MFSD11: variants seen among roughly 807,000 people sequenced by gnomAD.
MFSD11 encodes major facilitator superfamily domain containing 11, also known as UNC93-like protein MFSD11.
MFSD11 carries 36 observed loss-of-function variants against 53.5 expected under a neutral mutation model. The ratio of observed to expected loss-of-function variants is 0.67; its 90% CI spans 0.52 to 0.89. The LOEUF is 0.89. MFSD11 is among the 40% of genes least tolerant of loss of function. MFSD11 has a pLI of 0.00. For synonymous variants in MFSD11, 186 were observed against 184.9 expected (o/e 1.01, Z -0.05); for missense variants, 530 against 543.9 (o/e 0.97, Z 0.25).
the MFSD11 span, among the ~76,000 whole-genome samples, chr17:76,795,884 C>G: frequency 7.4e-5 from 11 of 148,268 alleles, no homozygotes; most frequent in African/African-American, 2.5e-4. Context: ...CCAGGATGGT[C>G]TCGATCTCCT....
At chr17:76,775,901 G>T (rs1339352476) in intron 11 of MFSD11, among the ~76,000 whole-genome samples, 1 of 152,164 alleles carries the variant, frequency 6.6e-6, no homozygotes, top group African/African-American at 2.4e-5. Flanking sequence ...ACCAGAGTTT[G>T]TTAGAATGTA....
chr17:76,776,544 A>T lies in MFSD11; in HGVS notation c.1185+3A>T, dbSNP rs2081851738. 6.2e-7 allele frequency: 1 copy of T among 1,613,326 alleles called. No individual in the cohort carries two copies. The highest frequency in any genetic ancestry group is 1.3e-5 in the African/African-American group (1 of 74,888). Reference sequence around the variant, plus strand: ...TTGCCATCTTCAAGTTTGTTCAGGTAACCTCTTCAGATTGTGATTGTGTTT... The same window carrying T: ...TTGCCATCTTCAAGTTTGTTCAGGTTACCTCTTCAGATTGTGATTGTGTTT... On this transcript the variant is annotated splice_donor_region_variant and intron_variant, in intron 12 of 12. Coordinates refer to ENST00000685175, the MANE Select transcript of MFSD11 (RefSeq NM_001242532.5). This position sits in a 1 kb window ranked among gnomAD's most constrained non-coding sequence, Gnocchi z 4.2.
At chr17:76,784,500 T>G (rs180812721), downstream of MFSD11, among the ~76,000 whole-genome samples, 121 of 152,024 alleles carry the variant, frequency 8.0e-4, no homozygotes, top group South Asian at 0.013. Flanking sequence ...GCCACTGCAC[T>G]CCAGCCTGGC....
At chr17:76,774,238 A>T (rs1041398195) in intron 10 of MFSD11, among the ~76,000 whole-genome samples, 4 of 152,054 alleles carry the variant, frequency 2.6e-5, no homozygotes, top group African/African-American at 4.8e-5. Context: ...CTTTTTAAAA[A>T]ATATATATAC....
the MFSD11 span, among the ~76,000 whole-genome samples, chr17:76,797,625 T>C: frequency 2.6e-5 from 4 of 152,096 alleles, no homozygotes; most frequent in African/African-American, 9.7e-5. Context: ...CCTGAGGACC[T>C]CCTGTCTCAT....
upstream of MFSD11, chr17:76,737,983 C>G (rs1002118252): frequency 1.4e-5 from 4 of 285,322 alleles, no homozygotes; most frequent in African/African-American, 2.2e-5. Context: ...TCAGGTGACC[C>G]GGTCGCCTGG....
intron 3 of MFSD11, among the ~76,000 whole-genome samples, chr17:76,741,714 G>A (rs773486249): frequency 1.2e-4 from 19 of 152,184 alleles, no homozygotes; most frequent in Non-Finnish European, 2.2e-4. Context: ...CTTGAGCCCA[G>A]GAGGTGGAGG....
At chr17:76,738,647 A>G in intron 1 of MFSD11, 199 bp downstream of exon 1, 1 of 609,208 alleles carries the variant, frequency 1.6e-6, no homozygotes, top group Non-Finnish European at 2.9e-6. Context: ...ATTATCGTTT[A>G]ATCTGATTTG....
intron 7 of MFSD11, among the ~76,000 whole-genome samples, chr17:76,746,344 A>G (rs922079639): frequency 1.3e-5 from 2 of 152,240 alleles, no homozygotes; most frequent in African/African-American, 4.8e-5. Flanking sequence ...TCTCCATGAC[A>G]TAAAAGTGCA....
At chr17:76,788,331 C>T in the MFSD11 span, among the ~76,000 whole-genome samples, 3 of 149,070 alleles carry the variant, frequency 2.0e-5, no homozygotes, top group Non-Finnish European at 4.5e-5. Context: ...TGTGAGACAC[C>T]ATGCCCAGCC....
intron 7 of MFSD11, among the ~76,000 whole-genome samples, chr17:76,752,226 C>A (rs2079112779): frequency 6.6e-6 from 1 of 152,068 alleles, no homozygotes. Flanking sequence ...TTCCGTTTCC[C>A]ATTGAAGAGA....
chr17:76,744,230 T>C, intron 6 of MFSD11, 92 bp from the exon 7 acceptor site: 1 of 1,204,472 alleles, frequency 8.3e-7, no homozygotes, highest in Non-Finnish European at 1.1e-6. Flanking sequence ...AACGAGGAAG[T>C]GTGTTGACAG....
At chr17:76,737,715 A>G (rs1025877887), upstream of MFSD11, 6 of 170,618 alleles carry the variant, frequency 3.5e-5, no homozygotes, top group African/African-American at 1.4e-4. Context: ...TCTCCGTCTG[A>G]AGAGTGCTTC....
chr17:76,737,277 T>G, upstream of MFSD11: 2 of 1,378,600 alleles, frequency 1.5e-6, no homozygotes, highest in South Asian at 1.5e-5. Context: ...GGGAAAGGCC[T>G]TGCCGCAGAA....
chr17:76,737,444 C>G, upstream of MFSD11: 1 of 402,556 alleles, frequency 2.5e-6, no homozygotes. Context: ...TCGTAACGAC[C>G]CTGCCGCGCG....
intron 7 of MFSD11, among the ~76,000 whole-genome samples, chr17:76,752,132 A>G (rs922259786): frequency 1.3e-5 from 2 of 152,252 alleles, no homozygotes; most frequent in Non-Finnish European, 2.9e-5. Flanking sequence ...GAACTCTGCC[A>G]TCCTCAGTAT....
At chr17:76,757,648 T>C (rs2079787269) in intron 8 of MFSD11, among the ~76,000 whole-genome samples, 1 of 152,238 alleles carries the variant, frequency 6.6e-6, no homozygotes, top group South Asian at 2.1e-4. Flanking sequence ...TTTTAAACAT[T>C]GATTTTTTGA....
At position 76,776,611 on chromosome 17, in the gene MFSD11, G is replaced by T; in HGVS notation, c.1185+70G>T. On this transcript the variant is annotated intron_variant, in intron 12 of 12. Coordinates refer to ENST00000685175, the MANE Select transcript of MFSD11 (RefSeq NM_001242532.5). This position sits in a 1 kb window ranked among gnomAD's most constrained non-coding sequence, Gnocchi z 4.2. Reference sequence around the variant, plus strand: ...CTTTGTGTATTGCCTTGTTTTCCTTGGTTACTTGTATTGTGGTTTTAATTT... The same window carrying T: ...CTTTGTGTATTGCCTTGTTTTCCTTTGTTACTTGTATTGTGGTTTTAATTT... 1 of 1,411,898 alleles carries T rather than the reference G, an allele frequency of 7.1e-7. No individual in the cohort carries two copies. The highest frequency in any genetic ancestry group is 9.5e-7 in the Non-Finnish European group (1 of 1,050,716). The allele number at this position is 1,411,898 out of a possible 1,614,324, so 87.5% of individuals were successfully genotyped here. A position where few individuals can be genotyped will look rare whatever the true frequency, so the allele number is the denominator to read the frequency against.
chr17:76,736,723 C>A, upstream of MFSD11: 1 of 1,365,250 alleles, frequency 7.3e-7, no homozygotes, highest in African/African-American at 1.5e-5. Flanking sequence ...CGTGCTTCGC[C>A]GCGGACCTTT....
Sources: gnomAD v4.1 joint callset for allele counts (sites outside exome capture counted in the v4.1 genomes callset) on GRCh38, gnomAD v4.1.1 for gene constraint, Gnocchi (gnomAD v3.1) non-coding constraint, MANE v1.5 for transcripts, NCBI Gene and HGNC (gene_info 2026-07-23, HGNC 2026-07-21) for gene names.